Variants in ARHGAP32 observed in about 807,000 individuals in gnomAD.
ARHGAP32 encodes Rho GTPase activating protein 32.
ARHGAP32 carries 51 observed loss-of-function variants against 186.5 expected under a neutral mutation model. The ratio of observed to expected loss-of-function variants is 0.27; its 90% CI spans 0.22 to 0.35. ARHGAP32 has a LOEUF of 0.35. Ranked by LOEUF, ARHGAP32 falls within the 10% of genes least tolerant of loss-of-function variation. The pLI, the probability that ARHGAP32 is intolerant of heterozygous loss-of-function variation, is 1.00. For synonymous variants in ARHGAP32, 950 were observed against 964.3 expected (o/e 0.99, Z 0.27); for missense variants, 2,186 against 2,623.5 (o/e 0.83, Z 3.64).
At chr11:128,973,677 G>C in intron 21 of ARHGAP32, 4 of 548,718 alleles carry the variant, frequency 7.3e-6, no homozygotes, top group Middle Eastern at 4.8e-4. Flanking sequence ...AGATGGGGGG[G>C]AAAAAAAGCA....
chr11:129,024,777 T>C (rs1458926530), intron 11 of ARHGAP32, among the ~76,000 whole-genome samples: 1 of 152,214 alleles, frequency 6.6e-6, no homozygotes, highest in Non-Finnish European at 1.5e-5. Flanking sequence ...AGGTACTTCT[T>C]TTCCTCTACC....
intron 1 of ARHGAP32, 56 bp downstream of exon 1, chr11:129,192,027 G>GT: frequency 8.0e-7 from 1 of 1,251,520 alleles, no homozygotes; most frequent in South Asian, 1.2e-5. Context: ...AGAAAAAGGG[G>GT]TGCGGGTGGG....
At chr11:129,136,067 A>G (rs1942929610) in intron 2 of ARHGAP32, among the ~76,000 whole-genome samples, 1 of 152,192 alleles carries the variant, frequency 6.6e-6, no homozygotes, top group South Asian at 2.1e-4. Flanking sequence ...ATTGGAAGAT[A>G]TGTCTCAGAT....
intron 1 of ARHGAP32, among the ~76,000 whole-genome samples, chr11:129,221,525 GTGTGTGTGTT>G (rs765647418): frequency 0.047 from 4,796 of 102,308 alleles, 112 homozygotes; most frequent in Non-Finnish European, 0.07. Context: ...GTGTGTGTGT[GTGTGTGTGTT>G]TATGGTAAAA....
intron 1 of ARHGAP32, among the ~76,000 whole-genome samples, chr11:129,229,732 A>G (rs1419275066): frequency 6.6e-6 from 1 of 152,170 alleles, no homozygotes; most frequent in African/African-American, 2.4e-5. Flanking sequence ...CCAATTACTT[A>G]AGGATTTTCA....
At chr11:129,202,724 C>A (rs1392786628) in intron 1 of ARHGAP32, among the ~76,000 whole-genome samples, 1 of 152,060 alleles carries the variant, frequency 6.6e-6, no homozygotes, top group Non-Finnish European at 1.5e-5. Flanking sequence ...GATACAATAA[C>A]CACAATATCT....
chr11:128,977,830 C>T (rs1203218833), intron 19 of ARHGAP32, among the ~76,000 whole-genome samples: 1 of 149,624 alleles, frequency 6.7e-6, no homozygotes, highest in East Asian at 2.0e-4. Context: ...GTATGTGCCA[C>T]CAAGCCTCGC....
At chr11:129,209,741 TCTAA>T (rs1319621044) in intron 1 of ARHGAP32, among the ~76,000 whole-genome samples, 2 of 152,180 alleles carry the variant, frequency 1.3e-5, no homozygotes, top group African/African-American at 2.4e-5. Context: ...ATTTTTCTTC[TCTAA>T]CTCTTAAAAG....
intron 1 of ARHGAP32, among the ~76,000 whole-genome samples, chr11:129,241,192 A>T (rs1215504152): frequency 6.6e-6 from 1 of 152,242 alleles, no homozygotes; most frequent in African/African-American, 2.4e-5. Flanking sequence ...CAATAAATGA[A>T]GTTAAAATTT....
intron 5 of ARHGAP32, among the ~76,000 whole-genome samples, chr11:129,121,913 T>C (rs191149701): frequency 2.3e-3 from 352 of 152,166 alleles, no homozygotes; most frequent in African/African-American, 8.3e-3. Context: ...CAACTGTCTA[T>C]TCCCTACCCA....
rs566559307 is a variant in ARHGAP32 at position 129,098,671 on chromosome 11, G to A, written c.445-4964C>T. On this transcript the variant is annotated intron_variant, in intron 5 of 22. Coordinates refer to ENST00000682385, the MANE Select transcript of ARHGAP32 (RefSeq NM_001378024.1). Reference sequence around the variant, plus strand: ...CCTGACCCCGTGATCCACCCGCCTCGGCCTCCCAAAGTGTGGCTAGCATTA... The same window carrying A: ...CCTGACCCCGTGATCCACCCGCCTCAGCCTCCCAAAGTGTGGCTAGCATTA... 4.6e-5 allele frequency among the ~76,000 whole-genome samples: 7 copies of A among 151,984 alleles called. No individual in the cohort carries two copies. In the South Asian group the frequency reaches 1.0e-3, roughly 23 times the overall value.
At chr11:128,991,014 T>C (rs1451615710) in intron 12 of ARHGAP32, among the ~76,000 whole-genome samples, 1 of 152,156 alleles carries the variant, frequency 6.6e-6, no homozygotes, top group Non-Finnish European at 1.5e-5. Context: ...ATTTCCATAT[T>C]ATCAGGCTCT....
chr11:129,177,718 C>G (rs1318820035), intron 1 of ARHGAP32, among the ~76,000 whole-genome samples: 1 of 152,096 alleles, frequency 6.6e-6, no homozygotes, highest in Non-Finnish European at 1.5e-5. Flanking sequence ...GCAGAAAAGG[C>G]CTTTGACAAA....
chr11:129,048,311 G>A (rs1939895576), intron 10 of ARHGAP32, among the ~76,000 whole-genome samples: 1 of 152,140 alleles, frequency 6.6e-6, no homozygotes, highest in Non-Finnish European at 1.5e-5. Context: ...GATAGCAAGG[G>A]ACAAAGAGTG....
chr11:128,972,406 C>A, intron 22 of ARHGAP32, 47 bp downstream of exon 22: 1 of 1,487,076 alleles, frequency 6.7e-7, no homozygotes, highest in South Asian at 1.5e-5. Context: ...AGTGACATAC[C>A]TTTGGTAATA....
At chr11:129,209,337 G>A (rs1348098213) in intron 1 of ARHGAP32, among the ~76,000 whole-genome samples, 1 of 151,862 alleles carries the variant, frequency 6.6e-6, no homozygotes, top group Non-Finnish European at 1.5e-5. Flanking sequence ...AGAGGAAAGG[G>A]GCTGGATGGC....
rs967699358 is a variant in ARHGAP32 at position 129,248,516 on chromosome 11, C to T, written c.-5+30630G>A. On this transcript the variant is annotated intron_variant, in intron 1 of 6. Transcript: ENST00000525234. ...GAACAAAACATCTTTATAAGTAGTG[C>T]TCTGTGCCTAAATCACCCCAGCCTC... 2.6e-5 allele frequency among the ~76,000 whole-genome samples: 4 copies of T among 152,182 alleles called. No homozygotes were observed. In the South Asian group the frequency reaches 8.3e-4, roughly 32 times the overall value.
At chr11:128,980,462 A>T in intron 18 of ARHGAP32, 91 bp downstream of exon 18, 1 of 1,032,192 alleles carries the variant, frequency 9.7e-7, no homozygotes, top group Non-Finnish European at 1.4e-6. Context: ...ATAGAGTAAT[A>T]CTAAAATACA....
At chr11:129,062,583 C>T (rs912938590) in intron 9 of ARHGAP32, among the ~76,000 whole-genome samples, 17 of 152,158 alleles carry the variant, frequency 1.1e-4, no homozygotes, top group Non-Finnish European at 2.1e-4. Context: ...TGTGATTCAA[C>T]TAACACAGGT....
Sources: allele counts gnomAD v4.1 joint callset (sites outside exome capture counted in the v4.1 genomes callset), GRCh38; gene constraint gnomAD v4.1.1; transcripts MANE v1.5; gene names NCBI Gene and HGNC (gene_info 2026-07-23, HGNC 2026-07-21).